FANCB: variants seen among roughly 807,000 people sequenced by gnomAD.
FANCB encodes FA complementation group B.
In FANCB, 5 loss-of-function variants were observed where a neutral mutation model predicts 38.9. The observed-to-expected ratio is 0.13, with a 90% confidence interval of 0.07 to 0.27. The LOEUF (loss-of-function observed/expected upper bound fraction) is 0.27. FANCB is among the 10% of genes least tolerant of loss of function. The pLI is 1.00. For missense variants in FANCB, 573 were observed against 602.7 expected (o/e 0.95, Z 0.52); for synonymous variants, 236 against 215.4 (o/e 1.10, Z -0.84).
the FANCB span, among the ~76,000 whole-genome samples, chrX:14,742,684 T>C: frequency 2.7e-5 from 3 of 112,123 alleles, no homozygotes; most frequent in Non-Finnish European, 5.6e-5. Flanking sequence ...TGGTCTACTA[T>C]AACTACCGTA....
chrX:14,859,848 G>C lies in FANCB; in HGVS notation c.952-514C>G. ...TGCAGTACTGTCAGGTAACCAGACA[G>C]TACTAGTAGACACCTTAAGAGCTCT... is the stretch of plus-strand genomic sequence containing the variant. On this transcript the variant is annotated intron_variant, in intron 3 of 9. Transcript: ENST00000650831. 1.8e-5 allele frequency among the ~76,000 whole-genome samples: 2 copies of C among 111,675 alleles called. 1 individual carries two copies. The highest frequency in any genetic ancestry group is 7.5e-4 in the South Asian group (2 of 2,670).
chrX:14,828,003 A>C, the FANCB span, among the ~76,000 whole-genome samples: 1 of 112,532 alleles, frequency 8.9e-6, no homozygotes, highest in Non-Finnish European at 1.9e-5. Flanking sequence ...TTCCCAGTAC[A>C]TATGAAAGTT....
chrX:14,771,567 T>C, the FANCB span, among the ~76,000 whole-genome samples: 1 of 111,825 alleles, frequency 8.9e-6, no homozygotes, highest in Non-Finnish European at 1.9e-5. Context: ...CTTCTTTTCA[T>C]TGGGTTACAA....
chrX:14,738,880 T>C, the FANCB span, among the ~76,000 whole-genome samples: 8 of 112,350 alleles, frequency 7.1e-5, no homozygotes, highest in Admixed American at 7.6e-4. Context: ...AATATCATTT[T>C]ACATTTCACT....
the FANCB span, among the ~76,000 whole-genome samples, chrX:14,735,253 C>T: frequency 1.8e-5 from 2 of 110,345 alleles, no homozygotes; most frequent in African/African-American, 3.3e-5. Flanking sequence ...AACTCATTCT[C>T]TCTCCAGTTT....
chrX:14,713,872 T>G, the FANCB span, among the ~76,000 whole-genome samples: 1 of 111,094 alleles, frequency 9.0e-6, no homozygotes, highest in South Asian at 3.8e-4. Context: ...ATGACCTGAT[T>G]TGACTGGAAA....
chrX:14,800,096 C>T, the FANCB span, among the ~76,000 whole-genome samples: 1 of 111,831 alleles, frequency 8.9e-6, no homozygotes, highest in Non-Finnish European at 1.9e-5. Context: ...CTGGAAAGAA[C>T]ATCAACGGTG....
At chrX:14,869,565 C>T (rs1293796554) in intron 1 of FANCB, among the ~76,000 whole-genome samples, 1 of 111,830 alleles carries the variant, frequency 8.9e-6, no homozygotes, top group Non-Finnish European at 1.9e-5. Context: ...AATCTATCTT[C>T]CCTCCAATAT....
At chrX:14,754,089 C>T in the FANCB span, among the ~76,000 whole-genome samples, 9 of 111,923 alleles carry the variant, frequency 8.0e-5, no homozygotes, top group Non-Finnish European at 9.4e-5. Flanking sequence ...GAGAGTGTGT[C>T]CTGCTCCAGG....
At chrX:14,742,311 CTCCTT>C in the FANCB span, among the ~76,000 whole-genome samples, 1 of 111,673 alleles carries the variant, frequency 9.0e-6, no homozygotes, top group Non-Finnish European at 1.9e-5. Context: ...GGCAGTTCCT[CTCCTT>C]TAAGTTATTC....
intron 7 of FANCB, among the ~76,000 whole-genome samples, chrX:14,847,597 T>C (rs1390698385): frequency 9.1e-6 from 1 of 109,517 alleles, no homozygotes; most frequent in African/African-American, 3.3e-5. Context: ...AAGAATTGTT[T>C]GAATTGCCAG....
At chrX:14,802,392 C>T in the FANCB span, among the ~76,000 whole-genome samples, 2 of 111,602 alleles carry the variant, frequency 1.8e-5, no homozygotes, top group East Asian at 5.7e-4. Context: ...AAGGCAGAGA[C>T]CAAATTACAG....
intron 7 of FANCB, among the ~76,000 whole-genome samples, chrX:14,849,229 T>C (rs1391354078): frequency 3.6e-5 from 4 of 111,946 alleles, no homozygotes; most frequent in Non-Finnish European, 5.6e-5. Flanking sequence ...TGACAAACTG[T>C]TTATCACAAG....
intron 6 of FANCB, among the ~76,000 whole-genome samples, chrX:14,851,464 A>G (rs1228488410): frequency 9.4e-6 from 1 of 106,425 alleles, no homozygotes. Context: ...TTCCTTAACT[A>G]TTACCCTATA....
the FANCB span, among the ~76,000 whole-genome samples, chrX:14,705,030 A>G: frequency 8.9e-6 from 1 of 112,510 alleles, no homozygotes; most frequent in Admixed American, 9.4e-5. Flanking sequence ...CAGCATTTGT[A>G]AAGTTCATTT....
the FANCB span, among the ~76,000 whole-genome samples, chrX:14,744,087 C>A: frequency 8.0e-5 from 9 of 111,852 alleles, no homozygotes; most frequent in African/African-American, 2.9e-4. Flanking sequence ...TAGGCACCAA[C>A]TGTGTCTAAT....
At chrX:14,791,111 T>C in the FANCB span, among the ~76,000 whole-genome samples, 1 of 108,204 alleles carries the variant, frequency 9.2e-6, no homozygotes, top group African/African-American at 3.5e-5. Context: ...AAGGCGTGAA[T>C]TTAAGGTATG....
At chrX:14,853,929 G>A (rs2092412611) in intron 5 of FANCB, among the ~76,000 whole-genome samples, 1 of 112,397 alleles carries the variant, frequency 8.9e-6, no homozygotes, top group Non-Finnish European at 1.9e-5. Flanking sequence ...ATCTGAGGCT[G>A]TTTAAGTATT....
chrX:14,864,241 A>C (rs184181023), intron 3 of FANCB, among the ~76,000 whole-genome samples: 1 of 112,331 alleles, frequency 8.9e-6, no homozygotes, highest in Non-Finnish European at 1.9e-5. Flanking sequence ...TGTAAGTGAA[A>C]ATGCACATCT....
Sources: gnomAD v4.1 joint callset for allele counts (sites outside exome capture counted in the v4.1 genomes callset) on GRCh38, gnomAD v4.1.1 for gene constraint, MANE v1.5 for transcripts, NCBI Gene and HGNC (gene_info 2026-07-23, HGNC 2026-07-21) for gene names.